Variants in GSTM5 observed in about 807,000 individuals in gnomAD.
GSTM5 encodes the protein glutathione S-transferase mu 5.
GSTM5 carries 24 observed loss-of-function variants against 29.0 expected under a neutral mutation model. The observed-to-expected ratio is 0.83, with a 90% CI of 0.60 to 1.16. The LOEUF (loss-of-function observed/expected upper bound fraction) is 1.16. Ranked by LOEUF, GSTM5 falls within the 50% of genes most tolerant of loss-of-function variation. The probability of loss-of-function intolerance (pLI) is 0.00; values close to 1 mark genes in which losing one functional copy is unlikely to be tolerated. For synonymous variants in GSTM5, 91 were observed against 93.6 expected (o/e 0.97, Z 0.16); for missense variants, 290 against 263.0 (o/e 1.10, Z -0.71).
In GSTM5 at chr1:109,715,036, A is replaced by C. The variant is rs1648694562; in HGVS notation, c.450A>C (p.Gly150=). 6.2e-7 allele frequency: 1 copy of C among 1,614,270 alleles called. No individual in the cohort carries two copies. The highest frequency in any genetic ancestry group is 2.2e-5 in the East Asian group (1 of 44,886). ...EFLGKRPWFA[G]DKITFVDFLA... is the part of the protein sequence containing the mutation. ...TGGGGAAGCGGCCATGGTTTGCAGG[A>C]GACAAGGTAAAGGAGGAGTGATATG... Residue 150 remains glycine (G), a synonymous_variant, in exon 6 of 8, where the codon GGA becomes GGC. Transcript: ENST00000256593.
rs1240274665 is a variant in GSTM5, at chr1:109,714,964, A to C, written c.378A>C (p.Lys126Asn). Residue 126 changes from lysine to asparagine, a missense_variant, in exon 6 of 8, where the codon AAA becomes AAC. By Grantham distance (94) the Lys-to-Asn change is moderately conservative. Transcript: ENST00000256593. Reference protein sequence around the residue: ...YDPDFEKLKPKYLEELPEKLK... With the variant: ...YDPDFEKLKPNYLEELPEKLK... ...TGCCTCAGGAGAAACTGAAGCCAAA[A>C]TACTTGGAGGAACTCCCTGAAAAGC... 6.2e-7 allele frequency: 1 copy of C among 1,614,244 alleles called. No individual in the cohort carries two copies. The highest frequency in any genetic ancestry group is 1.1e-5 in the South Asian group (1 of 91,088).
intron 7 of GSTM5, 121 bp downstream of exon 7, chr1:109,715,361 C>T: frequency 1.9e-6 from 3 of 1,599,348 alleles, no homozygotes; most frequent in Non-Finnish European, 2.6e-6. Flanking sequence ...GGGCTTCATG[C>T]CAGGAATCAT....
At chr1:109,712,224 C>T (rs1382025918), upstream of GSTM5, 6 of 1,409,230 alleles carry the variant, frequency 4.3e-6, no homozygotes, top group Admixed American at 6.8e-5. Flanking sequence ...GGGGTCGCAG[C>T]AAGGCCCCGC....
chr1:109,715,497 G>A, intron 7 of GSTM5: 2 of 1,478,620 alleles, frequency 1.4e-6, no homozygotes, highest in Non-Finnish European at 1.8e-6. Flanking sequence ...TTTGCTCAGG[G>A]TCCCAGAGCC....
chr1:109,716,059 G>A, intron 7 of GSTM5: 1 of 475,436 alleles, frequency 2.1e-6, no homozygotes, highest in Non-Finnish European at 3.8e-6. Flanking sequence ...AATGAGTGCA[G>A]TGAGAGGCCT....
At chr1:109,714,699 T>C in intron 5 of GSTM5, 1 of 561,832 alleles carries the variant, frequency 1.8e-6, no homozygotes. Context: ...CAGAGGCTAT[T>C]GGGAGGCCAG....
At chr1:109,716,390 T>A (rs970079401) in intron 7 of GSTM5, 1 of 159,060 alleles carries the variant, frequency 6.3e-6, no homozygotes, top group African/African-American at 2.4e-5. Flanking sequence ...AGCCGAGGGC[T>A]GGGGCATGGA....
chr1:109,715,075 G>C (rs764512897), intron 6 of GSTM5, 33 bp downstream of exon 6: 1 of 1,614,068 alleles, frequency 6.2e-7, no homozygotes. Flanking sequence ...AATGAGATCT[G>C]TTTTACTTCA....
At chr1:109,712,175 C>A, upstream of GSTM5, 1 of 945,504 alleles carries the variant, frequency 1.1e-6, no homozygotes, top group Non-Finnish European at 1.7e-6. Flanking sequence ...CGGGGGCCTA[C>A]AGAATGGCGT....
In GSTM5 at chr1:109,717,342, G is replaced by A. The variant is rs958413522; in HGVS notation, c.573G>A (p.Leu191=). Residue 191 remains leucine (L), a synonymous_variant, in exon 8 of 8, where the codon TTG becomes TTA. Transcript: ENST00000256593. ...LKDFISRFEG[L]KKISAYMKSS... is the part of the protein sequence containing the mutation. The stretch of plus-strand genomic sequence containing the variant: ...CCCCTTCTTCCCGCCCTCAGGGTTT[G>A]AAGAAGATCTCTGCCTACATGAAGT... 6.2e-7 allele frequency: 1 copy of A among 1,613,464 alleles called. No individual in the cohort carries two copies. Among genetic ancestry groups the A allele is most frequent in the Non-Finnish European group, 8.5e-7 (1 of 1,179,498 alleles).
intron 2 of GSTM5, 60 bp from the exon 3 acceptor site, chr1:109,713,059 G>C: frequency 6.2e-7 from 1 of 1,603,648 alleles, no homozygotes; most frequent in African/African-American, 1.3e-5. Flanking sequence ...CCTTGGGAGG[G>C]TCCCCGGGAA....
chr1:109,713,759 T>C lies in GSTM5; in HGVS notation c.358T>C (p.Phe120Leu). 1 of 1,611,924 alleles carries C rather than the reference T, an allele frequency of 6.2e-7. No individual in the cohort carries two copies. The highest frequency in any genetic ancestry group is 8.5e-7 in the Non-Finnish European group (1 of 1,178,830). Residue 120 changes from phenylalanine (F) to leucine (L), a missense_variant and splice_region_variant, in exon 5 of 8, where the codon TTT becomes CTT. Phe to Leu is a conservative substitution (Grantham distance 22, BLOSUM62 0). Transcript: ENST00000256593. ...ELVRLCYDPD[F>L]EKLKPKYLEE... ...GGTCAGACTGTGCTATGACCCAGAT[T>C]TTGTGAGTCCCACACCCCACTCCCA... is the stretch of plus-strand genomic sequence containing the variant.
chr1:109,713,818 G>A, intron 5 of GSTM5, 57 bp downstream of exon 5: 4 of 1,500,702 alleles, frequency 2.7e-6, no homozygotes, highest in Non-Finnish European at 2.8e-6. Context: ...GCCCAGACCA[G>A]GGAGGGACTT....
chr1:109,717,116 T>TC, intron 7 of GSTM5: 1 of 384,514 alleles, frequency 2.6e-6, no homozygotes. Flanking sequence ...AGTGTAGATC[T>TC]TTCGTAAATG....
chr1:109,717,286 G>A (rs1405838977), intron 7 of GSTM5, 51 bp from the exon 8 acceptor site: 38 of 1,398,276 alleles, frequency 2.7e-5, no homozygotes, highest in Non-Finnish European at 3.9e-5. Flanking sequence ...AAAGCTACTT[G>A]AGCCCTTCTA....
rs1462728165 is a variant in GSTM5, at chr1:109,712,281, G to T, written c.-32G>T. The T allele has an allele frequency of 5.0e-6, 8 of 1,613,642 alleles. No individual in the cohort carries two copies. Among genetic ancestry groups the T allele is most frequent in the Non-Finnish European group, 6.8e-6 (8 of 1,179,568 alleles). ...AAAGTCTGAGCCCCGCTCCGCTGAT[G>T]CCTGTCTGCAGAATCCGCACCAACC... On this transcript the variant is annotated 5_prime_UTR_variant, in exon 1 of 8. The change abolishes an upstream ATG in the 5' untranslated region. Transcript: ENST00000256593.
chr1:109,713,813 G>A, intron 5 of GSTM5, 52 bp downstream of exon 5: 1 of 1,518,722 alleles, frequency 6.6e-7, no homozygotes, highest in Non-Finnish European at 9.1e-7. Flanking sequence ...TTTTGGCCCA[G>A]ACCAGGGAGG....
At chr1:109,712,756 G>T (rs1402649452) in intron 2 of GSTM5, 63 bp downstream of exon 2, 34 of 1,581,370 alleles carry the variant, frequency 2.2e-5, no homozygotes, top group Non-Finnish European at 3.0e-5. Flanking sequence ...AGCAACCCAT[G>T]GTGGCCACCT....
At chr1:109,717,134 T>TAC in intron 7 of GSTM5, 7 of 442,976 alleles carry the variant, frequency 1.6e-5, no homozygotes, top group South Asian at 9.4e-5. Context: ...ATGGTAGCTG[T>TAC]TATTATGGTA....
Sources: gnomAD v4.1 joint callset for allele counts on GRCh38, gnomAD v4.1.1 for gene constraint, MANE v1.5 for transcripts, NCBI Gene and HGNC (gene_info 2026-07-23, HGNC 2026-07-21) for gene names.